The following ABHD2 variants were observed in gnomAD, a reference collection of about 807,000 sequenced individuals.
ABHD2 encodes the protein abhydrolase domain containing 2, acylglycerol lipase, also known as monoacylglycerol lipase ABHD2.
ABHD2 carries 20 observed loss-of-function variants against 48.1 expected under a neutral mutation model. That is an observed-to-expected ratio of 0.42 (90% CI 0.29 to 0.60). The LOEUF (loss-of-function observed/expected upper bound fraction) is 0.60. ABHD2 is among the 20% of genes least tolerant of loss of function. ABHD2 has a pLI of 0.24. For synonymous variants in ABHD2, 209 were observed against 214.2 expected (o/e 0.98, Z 0.21); for missense variants, 405 against 550.9 (o/e 0.74, Z 2.65).
Position 89,185,661 on chromosome 15 carries a change from G to A in ABHD2, c.815+145G>A, listed in dbSNP as rs937793697. The A allele has an allele frequency of 1.4e-5, 11 of 759,994 alleles. No homozygotes were observed. The highest frequency in any genetic ancestry group is 2.4e-5 in the Non-Finnish European group (11 of 463,438). The allele number at this position is 759,994 out of a possible 1,614,324, so 47.1% of individuals were successfully genotyped here. A position where few individuals can be genotyped will look rare whatever the true frequency, so the allele number is the denominator to read the frequency against. ...CAGACTCTCTGCTGCCTGCATTTGT[G>A]ACTTGATTAGAAACAAACTTGTCTT... On this transcript the variant is annotated intron_variant, in intron 7 of 10. Coordinates refer to ENST00000352732, the MANE Select transcript of ABHD2 (RefSeq NM_152924.5). The surrounding 1 kb of genome is among the most constrained non-coding windows in gnomAD (Gnocchi z 5.9).
chr15:89,047,021 CTT>C, the ABHD2 span, among the ~76,000 whole-genome samples: 3 of 151,476 alleles, frequency 2.0e-5, no homozygotes, highest in Non-Finnish European at 4.4e-5. Context: ...CCTGCTTTCT[CTT>C]GTGGGCATTT....
chr15:89,068,919 C>A, the ABHD2 span, among the ~76,000 whole-genome samples: 1 of 151,036 alleles, frequency 6.6e-6, no homozygotes, highest in African/African-American at 2.4e-5. Flanking sequence ...CAGGCGCATG[C>A]CACCACACCC....
chr15:89,185,790 G>A lies in ABHD2; in HGVS notation c.815+274G>A, dbSNP rs997619211. Among the ~76,000 whole-genome samples, 3 of 152,150 alleles carry A rather than the reference G, an allele frequency of 2.0e-5. No individual in the cohort carries two copies. The highest frequency in any genetic ancestry group is 2.4e-5 in the African/African-American group (1 of 41,432). The stretch of plus-strand genomic sequence containing the variant: ...TTGAGACCAGCCTGGCCAACATGGC[G>A]AAACCCCATCTCTACCAAAAATACA... On this transcript the variant is annotated intron_variant, in intron 7 of 10. Transcript: ENST00000352732. This position sits in a 1 kb window ranked among gnomAD's most constrained non-coding sequence, Gnocchi z 5.9.
intron 3 of ABHD2, among the ~76,000 whole-genome samples, chr15:89,144,014 G>A (rs903042867): frequency 1.3e-5 from 2 of 152,146 alleles, no homozygotes; most frequent in African/African-American, 4.8e-5. Flanking sequence ...ATATGACCCA[G>A]AAATTCCACT....
At chr15:89,057,929 C>T in the ABHD2 span, among the ~76,000 whole-genome samples, 1 of 152,166 alleles carries the variant, frequency 6.6e-6, no homozygotes, top group South Asian at 2.1e-4. Flanking sequence ...TCGCCCTCTA[C>T]CCAGTCCATC....
the ABHD2 span, among the ~76,000 whole-genome samples, chr15:89,068,297 G>T: frequency 6.6e-6 from 1 of 152,048 alleles, no homozygotes; most frequent in African/African-American, 2.4e-5. Context: ...AATGTAAGTA[G>T]CACAAAACAA....
intron 6 of ABHD2, among the ~76,000 whole-genome samples, chr15:89,181,228 C>CAAAAAAAAAA (rs61411388): frequency 2.9e-5 from 2 of 69,162 alleles, no homozygotes; most frequent in Non-Finnish European, 5.1e-5. Context: ...GACTCTGTCT[C>CAAAAAAAAAA]AAAAAAAAAA....
chr15:89,135,548 C>G (rs1567084158), intron 3 of ABHD2: 1 of 1,420,688 alleles, frequency 7.0e-7, no homozygotes, highest in Non-Finnish European at 9.8e-7. Context: ...CCAACTTATT[C>G]ATCATCATCT....
At chr15:89,123,839 G>A (rs1474368973) in intron 3 of ABHD2, among the ~76,000 whole-genome samples, 1 of 151,806 alleles carries the variant, frequency 6.6e-6, no homozygotes, top group Non-Finnish European at 1.5e-5. Context: ...TAAACCCCTG[G>A]GCTAGCGATC....
chr15:89,096,115 A>C (rs2049609313), intron 1 of ABHD2, among the ~76,000 whole-genome samples: 1 of 152,242 alleles, frequency 6.6e-6, no homozygotes, highest in South Asian at 2.1e-4. Context: ...GACTTGTCAC[A>C]CTGTACCTGT....
the ABHD2 span, among the ~76,000 whole-genome samples, chr15:89,078,725 C>T: frequency 2.1e-5 from 3 of 143,678 alleles, no homozygotes; most frequent in East Asian, 2.0e-4. Context: ...ACAATGTAGG[C>T]TTTTTTTTTT....
At chr15:89,069,674 CTTTTTTTTTTTT>C in the ABHD2 span, among the ~76,000 whole-genome samples, 2 of 52,898 alleles carry the variant, frequency 3.8e-5, no homozygotes, top group Non-Finnish European at 3.3e-5. Context: ...TTCATTTACT[CTTTTTTTTTTTT>C]TTTTTTTTTT....
intron 1 of ABHD2, among the ~76,000 whole-genome samples, chr15:89,089,929 G>C (rs1444696768): frequency 6.6e-6 from 1 of 152,122 alleles, no homozygotes; most frequent in Non-Finnish European, 1.5e-5. Context: ...CTTAGATAGA[G>C]CTCATCTCTA....
chr15:89,194,860 C>A (rs1384069843), intron 10 of ABHD2, among the ~76,000 whole-genome samples: 1 of 152,188 alleles, frequency 6.6e-6, no homozygotes. Flanking sequence ...TTCCCTCACT[C>A]CTCTCCCACC....
chr15:89,160,415 T>C (rs1849807984), intron 5 of ABHD2, among the ~76,000 whole-genome samples: 1 of 152,206 alleles, frequency 6.6e-6, no homozygotes, highest in Non-Finnish European at 1.5e-5. Context: ...TATTGTTGCC[T>C]TGCAATATGG....
chr15:89,068,427 T>G, the ABHD2 span, among the ~76,000 whole-genome samples: 1 of 152,180 alleles, frequency 6.6e-6, no homozygotes, highest in Non-Finnish European at 1.5e-5. Context: ...AAGCTGAGAA[T>G]GACTCAACAA....
the ABHD2 span, among the ~76,000 whole-genome samples, chr15:89,062,476 C>G: frequency 1.3e-5 from 2 of 151,920 alleles, no homozygotes; most frequent in African/African-American, 2.4e-5. Context: ...CCTTGATCTC[C>G]CGGGCTCAAG....
rs957078444 is a variant in ABHD2, at chr15:89,182,947, A to G, written c.723-2477A>G. 2.0e-5 allele frequency among the ~76,000 whole-genome samples: 3 copies of G among 152,130 alleles called. No homozygotes were observed. The highest frequency in any genetic ancestry group is 2.9e-5 in the Non-Finnish European group (2 of 68,010). On this transcript the variant is annotated intron_variant, in intron 6 of 10. Transcript: ENST00000352732. The surrounding 1 kb of genome is among the most constrained non-coding windows in gnomAD (Gnocchi z 4.8). ...CTACCAGCTCCAATAACATGAATTC[A>G]TACCCCCATCTTGTTTCCTCTACAC...
the ABHD2 span, among the ~76,000 whole-genome samples, chr15:89,069,235 C>T: frequency 1.3e-5 from 2 of 151,460 alleles, no homozygotes; most frequent in African/African-American, 2.4e-5. Context: ...ACAAGCAATC[C>T]TCCTGTCTCA....
Sources: allele counts gnomAD v4.1 joint callset (sites outside exome capture counted in the v4.1 genomes callset), GRCh38; gene constraint gnomAD v4.1.1; non-coding constraint Gnocchi (gnomAD v3.1); transcripts MANE v1.5; gene names NCBI Gene and HGNC (gene_info 2026-07-23, HGNC 2026-07-21).